OPCML: variants seen among roughly 807,000 people sequenced by gnomAD.
OPCML encodes the protein opioid-binding protein/cell adhesion molecule.
In OPCML, 13 loss-of-function variants were observed where a neutral mutation model predicts 37.8. That is an observed-to-expected ratio of 0.34 (90% CI 0.22 to 0.55). The LOEUF is 0.55. Ranked by LOEUF, OPCML falls within the 20% of genes least tolerant of loss-of-function variation. OPCML has a pLI of 0.91. For missense variants in OPCML, 341 were observed against 435.6 expected (o/e 0.78, Z 1.93); for synonymous variants, 176 against 168.8 (o/e 1.04, Z -0.33).
intron 1 of OPCML, among the ~76,000 whole-genome samples, chr11:133,328,226 C>T (rs1403315461): frequency 4.7e-5 from 7 of 148,594 alleles, no homozygotes; most frequent in Admixed American, 1.4e-4. Flanking sequence ...GACATGATCT[C>T]GGCTCACTGC....
Position 132,798,139 on chromosome 11 carries a change from C to T in OPCML, c.147-140820G>A, listed in dbSNP as rs1394934911. Among the ~76,000 whole-genome samples the T allele has an allele frequency of 2.0e-5, 3 of 152,126 alleles. No individual in the cohort carries two copies. In the East Asian group the frequency reaches 5.8e-4, roughly 29 times the overall value. Reference sequence around the variant, plus strand: ...TTATGATCTCGGTTCGGCATGATCTCGGCTCACCGCAACCTCCGCCTCAGG... The same window carrying T: ...TTATGATCTCGGTTCGGCATGATCTTGGCTCACCGCAACCTCCGCCTCAGG... On this transcript the variant is annotated intron_variant, in intron 2 of 7. Coordinates refer to ENST00000524381, the MANE Select transcript of OPCML (RefSeq NM_001012393.5).
chr11:133,508,276 A>G (rs1008597538), intron 1 of OPCML, among the ~76,000 whole-genome samples: 6 of 152,180 alleles, frequency 3.9e-5, no homozygotes, highest in African/African-American at 1.4e-4. Context: ...GGTACAAATC[A>G]GAGGAAGGTT....
At chr11:132,795,006 G>A (rs1223906910) in intron 2 of OPCML, among the ~76,000 whole-genome samples, 2 of 151,916 alleles carry the variant, frequency 1.3e-5, no homozygotes, top group Non-Finnish European at 2.9e-5. Flanking sequence ...AAAAACGTGA[G>A]TGAAACTGAC....
At chr11:132,625,817 C>T (rs1311250789) in intron 3 of OPCML, among the ~76,000 whole-genome samples, 2 of 152,072 alleles carry the variant, frequency 1.3e-5, no homozygotes, top group African/African-American at 4.8e-5. Context: ...GCCATACATG[C>T]AAATATCTTT....
intron 1 of OPCML, among the ~76,000 whole-genome samples, chr11:133,264,385 C>T (rs142367507): frequency 6.6e-6 from 1 of 152,184 alleles, no homozygotes; most frequent in Non-Finnish European, 1.5e-5. Context: ...ACAATCAAAG[C>T]CTTTCTCAGT....
intron 1 of OPCML, among the ~76,000 whole-genome samples, chr11:133,306,419 T>A (rs1409091357): frequency 6.6e-6 from 1 of 152,194 alleles, no homozygotes; most frequent in African/African-American, 2.4e-5. Flanking sequence ...TAATTTTGAA[T>A]AATGATTTGA....
chr11:132,480,617 G>A (rs2096176280), intron 4 of OPCML, among the ~76,000 whole-genome samples: 1 of 152,212 alleles, frequency 6.6e-6, no homozygotes. Context: ...GGCAGCCAGA[G>A]AGAAAGGTCG....
At chr11:132,455,995 T>C (rs1013907181) in intron 4 of OPCML, among the ~76,000 whole-genome samples, 1 of 152,244 alleles carries the variant, frequency 6.6e-6, no homozygotes, top group South Asian at 2.1e-4. Context: ...AGTTGCAAAA[T>C]CTGAGCTGCT....
intron 1 of OPCML, among the ~76,000 whole-genome samples, chr11:133,094,759 C>T (rs1371807082): frequency 5.3e-5 from 8 of 152,130 alleles, no homozygotes; most frequent in African/African-American, 9.7e-5. Context: ...ACTCAAACAC[C>T]TGCATTAAAG....
At chr11:132,844,971 T>G (rs1049719773) in intron 2 of OPCML, among the ~76,000 whole-genome samples, 5 of 151,814 alleles carry the variant, frequency 3.3e-5, no homozygotes, top group East Asian at 1.9e-4. Context: ...ACCTATTTTT[T>G]TTTTGTTTTT....
At chr11:133,269,067 AGATCTACAGGTTCAGATGGGGAGTCTG>A (rs1347139938) in intron 1 of OPCML, among the ~76,000 whole-genome samples, 1 of 152,214 alleles carries the variant, frequency 6.6e-6, no homozygotes, top group Non-Finnish European at 1.5e-5. Context: ...AGAGACAATA[AGATCTACAGGTTCAGATGGGGAGTCTG>A]AGATGCAACA....
chr11:133,279,110 T>A lies in OPCML; in HGVS notation c.61+253154A>T, dbSNP rs76507619. ...CACGGCTAATAGGAAGAACTGACAA[T>A]AGAACCTCGCTGTTTCCAAACCTGG... On this transcript the variant is annotated intron_variant, in intron 1 of 7. Coordinates refer to ENST00000524381, the MANE Select transcript of OPCML (RefSeq NM_001012393.5). 9.7e-3 allele frequency among the ~76,000 whole-genome samples: 1,472 copies of A among 152,290 alleles called. 27 individuals are homozygous for A. Among genetic ancestry groups the A allele is most frequent in the African/African-American group, 0.033 (1,390 of 41,552 alleles).
chr11:132,923,689 A>G (rs984299793), intron 2 of OPCML, among the ~76,000 whole-genome samples: 1 of 151,882 alleles, frequency 6.6e-6, no homozygotes, highest in African/African-American at 2.4e-5. Context: ...AATAGATTCA[A>G]TCTACCTGCC....
At chr11:133,086,933 T>C (rs963550167) in intron 1 of OPCML, among the ~76,000 whole-genome samples, 3 of 152,228 alleles carry the variant, frequency 2.0e-5, no homozygotes, top group African/African-American at 4.8e-5. Flanking sequence ...ATGAGCTTAT[T>C]CTCAAATCAA....
chr11:133,023,325 G>A (rs967217897), intron 1 of OPCML, among the ~76,000 whole-genome samples: 74 of 152,340 alleles, frequency 4.9e-4, no homozygotes, highest in African/African-American at 1.7e-3. Flanking sequence ...CAACCGCTGC[G>A]TTTTGCCTGC....
intron 3 of OPCML, among the ~76,000 whole-genome samples, chr11:132,553,033 G>A (rs1162911659): frequency 2.0e-5 from 3 of 152,002 alleles, no homozygotes; most frequent in Non-Finnish European, 4.4e-5. Context: ...CAAAGTGCTG[G>A]GATTACAGTC....
chr11:133,169,566 A>G (rs1358234074), intron 1 of OPCML, among the ~76,000 whole-genome samples: 2 of 152,202 alleles, frequency 1.3e-5, no homozygotes, highest in Non-Finnish European at 1.5e-5. Context: ...TTAAATACAC[A>G]TATGTATTAG....
intron 2 of OPCML, among the ~76,000 whole-genome samples, chr11:132,879,932 A>T (rs1274601790): frequency 6.6e-6 from 1 of 152,224 alleles, no homozygotes; most frequent in African/African-American, 2.4e-5. Flanking sequence ...TTTCATAGAA[A>T]GATAAAGTTA....
At chr11:132,601,711 C>T (rs150275334) in intron 3 of OPCML, among the ~76,000 whole-genome samples, 1 of 152,166 alleles carries the variant, frequency 6.6e-6, no homozygotes, top group African/African-American at 2.4e-5. Context: ...ACCTTCCTAG[C>T]ACCCATCTAA....
Sources: gnomAD v4.1 joint callset for allele counts (sites outside exome capture counted in the v4.1 genomes callset) on GRCh38, gnomAD v4.1.1 for gene constraint, MANE v1.5 for transcripts, NCBI Gene and HGNC (gene_info 2026-07-23, HGNC 2026-07-21) for gene names.